Variants in CTNND2 observed in about 807,000 individuals in gnomAD.
The protein encoded by CTNND2 is catenin delta-2.
Under a neutral mutation model 144.4 loss-of-function variants are expected in CTNND2, and 22 were observed. The ratio of observed to expected loss-of-function variants is 0.15; its 90% confidence interval spans 0.11 to 0.22. The LOEUF (loss-of-function observed/expected upper bound fraction) is 0.22, where lower values mean the gene tolerates loss of function less well. CTNND2 is among the 10% of genes least tolerant of loss of function. The pLI is 1.00. For synonymous variants in CTNND2, 751 were observed against 695.6 expected (o/e 1.08, Z -1.25); for missense variants, 1,353 against 1,618.8 (o/e 0.84, Z 2.82).
intron 3 of CTNND2, among the ~76,000 whole-genome samples, chr5:11,483,752 T>C (rs1156391475): frequency 1.3e-5 from 2 of 152,184 alleles, no homozygotes; most frequent in East Asian, 1.9e-4. Context: ...GAATGAATGA[T>C]TTCTGGTACA....
intron 2 of CTNND2, among the ~76,000 whole-genome samples, chr5:11,578,005 G>C: frequency 6.6e-6 from 1 of 152,084 alleles, no homozygotes; most frequent in Admixed American, 6.5e-5. Context: ...AAGTCCACTG[G>C]GGCTATGGAC....
At chr5:11,558,506 C>G (rs544019067) in intron 3 of CTNND2, among the ~76,000 whole-genome samples, 314 of 152,278 alleles carry the variant, frequency 2.1e-3, no homozygotes, top group African/African-American at 7.1e-3. Context: ...GCTGGAACTA[C>G]AGGAGAGCAT....
intron 1 of CTNND2, among the ~76,000 whole-genome samples, chr5:11,870,045 T>C (rs1274042144): frequency 6.6e-6 from 1 of 151,798 alleles, no homozygotes; most frequent in Non-Finnish European, 1.5e-5. Flanking sequence ...TGATTTAGAG[T>C]GGAAAAATGG....
At chr5:11,424,326 T>C (rs1210097043) in intron 3 of CTNND2, among the ~76,000 whole-genome samples, 1 of 152,070 alleles carries the variant, frequency 6.6e-6, no homozygotes, top group Non-Finnish European at 1.5e-5. Flanking sequence ...GATTTAGGGA[T>C]GGAGAAGGAG....
At chr5:10,985,125 G>A (rs1015899627) in intron 20 of CTNND2, among the ~76,000 whole-genome samples, 4 of 150,966 alleles carry the variant, frequency 2.6e-5, no homozygotes, top group Admixed American at 2.6e-4. Flanking sequence ...TAAATAAATG[G>A]CATAAGAAAG....
chr5:11,704,096 T>C (rs1042245141), intron 2 of CTNND2, among the ~76,000 whole-genome samples: 7 of 152,220 alleles, frequency 4.6e-5, no homozygotes, highest in South Asian at 2.1e-4. Context: ...AATGTGAACA[T>C]GCTGTTTTAA....
intron 2 of CTNND2, 101 bp downstream of exon 2, chr5:11,732,035 T>C (rs538419864): frequency 6.4e-6 from 7 of 1,088,502 alleles, no homozygotes; most frequent in Non-Finnish European, 9.3e-6. Context: ...GCTACATGAG[T>C]ATGAGTTTCT....
At chr5:11,427,499 C>T (rs753000180) in intron 3 of CTNND2, among the ~76,000 whole-genome samples, 1 of 151,958 alleles carries the variant, frequency 6.6e-6, no homozygotes, top group Non-Finnish European at 1.5e-5. Flanking sequence ...AGACTGGTCT[C>T]GGACTCCTGA....
intron 1 of CTNND2, among the ~76,000 whole-genome samples, chr5:11,860,158 C>T (rs1431503554): frequency 1.3e-5 from 2 of 152,074 alleles, no homozygotes; most frequent in Non-Finnish European, 2.9e-5. Flanking sequence ...ATCAGATTGG[C>T]CATAAAATAT....
intron 1 of CTNND2, among the ~76,000 whole-genome samples, chr5:11,740,257 G>C (rs2126762055): frequency 6.6e-6 from 1 of 152,270 alleles, no homozygotes; most frequent in East Asian, 1.9e-4. Flanking sequence ...AAAGAACAAA[G>C]CTGGAGGCAT....
chr5:11,280,567 C>A (rs1018417153), intron 9 of CTNND2, among the ~76,000 whole-genome samples: 1 of 152,192 alleles, frequency 6.6e-6, no homozygotes, highest in Non-Finnish European at 1.5e-5. Context: ...AGAGCTCCAC[C>A]TTTGTGACTT....
chr5:11,479,369 T>C (rs1468467050), intron 3 of CTNND2, among the ~76,000 whole-genome samples: 2 of 152,334 alleles, frequency 1.3e-5, no homozygotes, highest in East Asian at 3.9e-4. Context: ...ATGGTATATA[T>C]GTACCACATT....
intron 3 of CTNND2, among the ~76,000 whole-genome samples, chr5:11,416,165 C>T (rs1381743457): frequency 6.6e-6 from 1 of 152,058 alleles, no homozygotes; most frequent in Non-Finnish European, 1.5e-5. Flanking sequence ...TAAGGTGGTG[C>T]CGATTTTATG....
chr5:11,460,808 T>C (rs758223553), intron 3 of CTNND2, among the ~76,000 whole-genome samples: 41 of 152,098 alleles, frequency 2.7e-4, no homozygotes, highest in Non-Finnish European at 4.9e-4. Flanking sequence ...TCTCAGCACT[T>C]TGGGAGGCTG....
chr5:11,382,648 GAAT>G (rs1323069119), intron 7 of CTNND2, among the ~76,000 whole-genome samples: 2 of 131,148 alleles, frequency 1.5e-5, no homozygotes, highest in East Asian at 4.5e-4. Flanking sequence ...TGTGTGTGTA[GAAT>G]GATGAATTAG....
chr5:11,005,209 A>G (rs13175117), intron 18 of CTNND2, among the ~76,000 whole-genome samples: 4,379 of 152,294 alleles, frequency 0.029, 117 homozygotes, highest in Non-Finnish European at 0.036. Context: ...CAAGGCTCTG[A>G]GGTGGAAACT....
In CTNND2 at chr5:11,058,989, C is replaced by T. The variant is rs150004409; in HGVS notation, c.2788+23707G>A. On this transcript the variant is annotated intron_variant, in intron 16 of 21. Coordinates refer to ENST00000304623, the MANE Select transcript of CTNND2 (RefSeq NM_001332.4). Reference sequence around the variant, plus strand: ...TGGCTGTATTTACCCAATATCTCTACCCCATTGTATCTAGGAAGTAACTAG... The same window carrying T: ...TGGCTGTATTTACCCAATATCTCTATCCCATTGTATCTAGGAAGTAACTAG... Among the ~76,000 whole-genome samples, 421 of 152,312 alleles carry T rather than the reference C, an allele frequency of 2.8e-3. 1 individual carries two copies. Among genetic ancestry groups the T allele is most frequent in the Non-Finnish European group, 4.7e-3 (319 of 68,038 alleles).
intron 2 of CTNND2, among the ~76,000 whole-genome samples, chr5:11,614,057 T>G (rs115720339): frequency 1.3e-5 from 2 of 152,176 alleles, no homozygotes; most frequent in South Asian, 4.1e-4. Context: ...CAATAAAAAA[T>G]TTTGAAAATT....
intron 9 of CTNND2, among the ~76,000 whole-genome samples, chr5:11,334,075 T>C (rs1009754274): frequency 6.6e-6 from 1 of 152,202 alleles, no homozygotes. Context: ...CTTGAAAATA[T>C]TGAGGAGATA....
Sources: gnomAD v4.1 joint callset for allele counts (sites outside exome capture counted in the v4.1 genomes callset) on GRCh38, gnomAD v4.1.1 for gene constraint, MANE v1.5 for transcripts, NCBI Gene and HGNC (gene_info 2026-07-23, HGNC 2026-07-21) for gene names.